Variants in KIAA1328 observed in about 807,000 individuals in gnomAD.
KIAA1328 encodes the protein protein hinderin.
Under a neutral mutation model 68.1 loss-of-function variants are expected in KIAA1328, and 52 were observed. That is an observed-to-expected ratio of 0.76 (90% confidence interval 0.61 to 0.96). The LOEUF is 0.96. Among genes scored for constraint, KIAA1328 ranks in the 40% least tolerant of loss-of-function variants. The pLI is 0.00. For synonymous variants in KIAA1328, 232 were observed against 239.4 expected, an observed-to-expected ratio of 0.97 and a Z score of 0.28; for missense variants, 641 against 677.6, an observed-to-expected ratio of 0.95 and a Z score of 0.60.
chr18:36,891,655 G>T (rs532145835), intron 5 of KIAA1328, among the ~76,000 whole-genome samples: 1 of 152,230 alleles, frequency 6.6e-6, no homozygotes, highest in East Asian at 1.9e-4. Flanking sequence ...CTGTTTTCTG[G>T]CTTAGTAGTA....
chr18:36,942,735 A>T (rs1482119063), intron 5 of KIAA1328, among the ~76,000 whole-genome samples: 1 of 152,068 alleles, frequency 6.6e-6, no homozygotes, highest in Admixed American at 6.6e-5. Context: ...CTTTTAATTG[A>T]TCTCTTGTGT....
At chr18:37,029,319 T>C (rs1376485432) in intron 6 of KIAA1328, among the ~76,000 whole-genome samples, 2 of 152,156 alleles carry the variant, frequency 1.3e-5, no homozygotes, top group African/African-American at 4.8e-5. Context: ...GTGTTTGTAA[T>C]AGTCTCTGAG....
rs893076914 is a variant in KIAA1328 at position 37,150,741 on chromosome 18, G to T, written c.1233-9459G>T. On this transcript the variant is annotated intron_variant, in intron 7 of 9. Transcript: ENST00000280020. ...AAAAAATATTTTAATCCTTTTTAAA[G>T]ATTAAAGAAAACTTCATCTCAAACA... is the stretch of plus-strand genomic sequence containing the variant. 2.6e-5 allele frequency among the ~76,000 whole-genome samples: 4 copies of T among 152,058 alleles called. No individual in the cohort carries two copies. In the East Asian group the frequency reaches 7.7e-4, roughly 29 times the overall value.
chr18:37,121,458 CTATG>C (rs757062478), intron 7 of KIAA1328, among the ~76,000 whole-genome samples: 2 of 150,200 alleles, frequency 1.3e-5, no homozygotes, highest in African/African-American at 4.9e-5. Flanking sequence ...ATCTATCTAT[CTATG>C]CATCTATCGA....
chr18:37,207,722 A>G (rs1375764773), intron 9 of KIAA1328, among the ~76,000 whole-genome samples: 2 of 152,206 alleles, frequency 1.3e-5, no homozygotes, highest in Non-Finnish European at 2.9e-5. Flanking sequence ...ACATCTCTGC[A>G]AACTCTCCAG....
chr18:36,910,080 A>G (rs1201990926), intron 5 of KIAA1328, among the ~76,000 whole-genome samples: 2 of 151,846 alleles, frequency 1.3e-5, no homozygotes, highest in Admixed American at 1.3e-4. Flanking sequence ...TTGCCTGTTC[A>G]CTCTGATGGT....
chr18:37,152,018 G>C (rs1461538600), intron 7 of KIAA1328, among the ~76,000 whole-genome samples: 3 of 151,148 alleles, frequency 2.0e-5, no homozygotes, highest in Non-Finnish European at 4.4e-5. Context: ...CCCAGTCATG[G>C]CTAGGTGGGA....
chr18:37,087,212 C>T (rs1190058674), intron 7 of KIAA1328, among the ~76,000 whole-genome samples: 2 of 148,924 alleles, frequency 1.3e-5, no homozygotes, highest in Admixed American at 1.3e-4. Flanking sequence ...GTGCATGCCA[C>T]TATACCCAAC....
At chr18:36,832,482 G>T (rs1008789506) in intron 1 of KIAA1328, among the ~76,000 whole-genome samples, 4 of 151,600 alleles carry the variant, frequency 2.6e-5, no homozygotes, top group African/African-American at 7.3e-5. Flanking sequence ...CCAGCTACTC[G>T]GGAGGCTGAG....
chr18:37,091,159 G>A (rs2057256486), intron 7 of KIAA1328, among the ~76,000 whole-genome samples: 1 of 152,090 alleles, frequency 6.6e-6, no homozygotes, highest in Admixed American at 6.6e-5. Context: ...TGAATACCTA[G>A]AGTCACCCAG....
At chr18:37,125,493 A>G (rs927986650) in intron 7 of KIAA1328, among the ~76,000 whole-genome samples, 6 of 152,196 alleles carry the variant, frequency 3.9e-5, no homozygotes, top group African/African-American at 1.4e-4. Flanking sequence ...GAAGTAAATA[A>G]TAAAGTTAGA....
downstream of KIAA1328, among the ~76,000 whole-genome samples, chr18:37,227,634 A>C (rs573509497): frequency 6.6e-6 from 1 of 152,328 alleles, no homozygotes; most frequent in South Asian, 2.1e-4. Flanking sequence ...TTTTAAGCAC[A>C]CTGTTGAGGC....
chr18:37,120,457 G>A (rs180931485), intron 7 of KIAA1328, among the ~76,000 whole-genome samples: 4 of 152,228 alleles, frequency 2.6e-5, no homozygotes, highest in African/African-American at 7.2e-5. Context: ...GAAAGAAAGG[G>A]GGATGAGAAG....
intron 9 of KIAA1328, among the ~76,000 whole-genome samples, chr18:37,195,767 C>T (rs563458023): frequency 5.6e-4 from 85 of 152,108 alleles, no homozygotes; most frequent in African/African-American, 2.0e-3. Flanking sequence ...TTTGCTCAGG[C>T]TTTCTTTAGC....
intron 8 of KIAA1328, among the ~76,000 whole-genome samples, chr18:37,169,002 A>G (rs796550120): frequency 2.0e-5 from 3 of 152,180 alleles, no homozygotes; most frequent in African/African-American, 4.8e-5. Context: ...GACATGATCC[A>G]TTATAATCAA....
Position 36,834,315 on chromosome 18 carries a change from C to T in KIAA1328, c.59-5C>T, listed in dbSNP as rs75167429. Reference sequence around the variant, plus strand: ...TTGTATTTTCCTTCATGTTCTCCTGCGTAGTTTCTGATGAAGAACAATCAG... The same window carrying T: ...TTGTATTTTCCTTCATGTTCTCCTGTGTAGTTTCTGATGAAGAACAATCAG... On this transcript the variant is annotated splice_polypyrimidine_tract_variant and splice_region_variant and intron_variant, in intron 1 of 9. Transcript: ENST00000280020. The T allele has an allele frequency of 0.032, 50,715 of 1,578,622 alleles. 989 individuals carry two copies. Among genetic ancestry groups the T allele is most frequent in the Non-Finnish European group, 0.039 (45,540 of 1,162,906 alleles).
At chr18:36,959,215 G>A (rs959131910) in intron 5 of KIAA1328, 93 bp from the exon 6 acceptor site, 6 of 1,192,748 alleles carry the variant, frequency 5.0e-6, no homozygotes, top group Non-Finnish European at 5.7e-6. Flanking sequence ...TGCATTTCTG[G>A]TTCTGTTTTG....
At chr18:37,106,884 T>C (rs1309232780) in intron 7 of KIAA1328, among the ~76,000 whole-genome samples, 1 of 152,194 alleles carries the variant, frequency 6.6e-6, no homozygotes, top group Non-Finnish European at 1.5e-5. Context: ...CATAAGCTTT[T>C]CCCCTTTTCT....
chr18:36,938,001 T>G (rs1468834589), intron 5 of KIAA1328, among the ~76,000 whole-genome samples: 1 of 152,134 alleles, frequency 6.6e-6, no homozygotes, highest in East Asian at 1.9e-4. Context: ...CTCATTTTCT[T>G]TGGTCACTTA....
Sources: gnomAD v4.1 joint callset for allele counts (sites outside exome capture counted in the v4.1 genomes callset) on GRCh38, gnomAD v4.1.1 for gene constraint, MANE v1.5 for transcripts, NCBI Gene and HGNC (gene_info 2026-07-23, HGNC 2026-07-21) for gene names.